SOX5: variants seen among roughly 807,000 people sequenced by gnomAD.
SOX5 encodes the protein transcription factor SOX-5.
SOX5 carries 9 observed loss-of-function variants against 92.0 expected under a neutral mutation model. The ratio of observed to expected loss-of-function variants is 0.10; its 90% CI spans 0.06 to 0.17. The LOEUF (loss-of-function observed/expected upper bound fraction) is 0.17, where lower values mean the gene tolerates loss of function less well. Ranked by LOEUF, SOX5 falls within the 10% of genes least tolerant of loss-of-function variation. SOX5 has a pLI of 1.00. For missense variants in SOX5, 642 were observed against 944.5 expected, an observed-to-expected ratio of 0.68 and a Z score of 4.20; for synonymous variants, 344 against 336.3, an observed-to-expected ratio of 1.02 and a Z score of -0.25.
At chr12:24,102,702 A>G (rs1336581159) in intron 4 of SOX5, among the ~76,000 whole-genome samples, 1 of 152,212 alleles carries the variant, frequency 6.6e-6, no homozygotes, top group East Asian at 1.9e-4. Flanking sequence ...AGTCTTCTCA[A>G]TTTATGTGGA....
At chr12:23,977,296 C>T (rs1259820146) in intron 4 of SOX5, among the ~76,000 whole-genome samples, 1 of 152,130 alleles carries the variant, frequency 6.6e-6, no homozygotes, top group Non-Finnish European at 1.5e-5. Context: ...CTTTGCTACT[C>T]CATCACCCTT....
Position 23,577,176 on chromosome 12 carries a change from C to CATATAT in SOX5, c.1165-1344_1165-1339dup, listed in dbSNP as rs1254455034. Among the ~76,000 whole-genome samples the CATATAT allele has an allele frequency of 1.8e-3, 140 of 76,928 alleles. 2 individuals are homozygous for CATATAT. Among genetic ancestry groups the CATATAT allele is most frequent in the Middle Eastern group, 8.3e-3 (1 of 120 alleles). 50.5% of individuals were successfully genotyped at this position (76,928 alleles called of 152,430 possible). A position where few individuals can be genotyped will look rare whatever the true frequency, so the allele number is the denominator to read the frequency against. On this transcript the variant is annotated intron_variant, in intron 9 of 14. Transcript: ENST00000451604. ...ACACACACACACACACACACACACA[C>CATATAT]ATATATATATATATATTTTTTTTTT...
At chr12:24,436,267 T>C (rs1406048693) in intron 1 of SOX5, among the ~76,000 whole-genome samples, 1 of 152,220 alleles carries the variant, frequency 6.6e-6, no homozygotes, top group Non-Finnish European at 1.5e-5. Flanking sequence ...AAGCTAGGAC[T>C]CTTGTGCCAA....
chr12:24,389,392 T>C (rs1259817976), intron 1 of SOX5, among the ~76,000 whole-genome samples: 2 of 152,202 alleles, frequency 1.3e-5, no homozygotes, highest in African/African-American at 4.8e-5. Flanking sequence ...GTCTTTGCTA[T>C]TGTGAAATTT....
At chr12:24,029,495 A>C (rs1955244503) in intron 4 of SOX5, among the ~76,000 whole-genome samples, 1 of 151,682 alleles carries the variant, frequency 6.6e-6, no homozygotes, top group Non-Finnish European at 1.5e-5. Context: ...GGATGGTTTC[A>C]AACATCTGGA....
chr12:24,215,476 A>T (rs982545342), intron 3 of SOX5, among the ~76,000 whole-genome samples: 3 of 152,188 alleles, frequency 2.0e-5, no homozygotes, highest in African/African-American at 7.2e-5. Context: ...TCTGAAAATG[A>T]TATCAAGGAA....
chr12:24,262,674 G>A (rs974734446), intron 3 of SOX5, among the ~76,000 whole-genome samples: 3 of 152,130 alleles, frequency 2.0e-5, no homozygotes, highest in Non-Finnish European at 2.9e-5. Context: ...TTTCACTGGA[G>A]GGACTGATGC....
intron 3 of SOX5, among the ~76,000 whole-genome samples, chr12:23,835,438 G>T (rs943004012): frequency 1.3e-5 from 2 of 151,656 alleles, no homozygotes; most frequent in Non-Finnish European, 3.0e-5. Flanking sequence ...GTCCTAAAAT[G>T]TATCTATGTT....
chr12:23,674,859 T>C (rs962378943), intron 6 of SOX5, among the ~76,000 whole-genome samples: 5 of 152,002 alleles, frequency 3.3e-5, no homozygotes, highest in Middle Eastern at 6.9e-3. Flanking sequence ...CATCTGAAAA[T>C]TGAGCAGAAA....
chr12:24,493,090 A>AT (rs1211989686), intron 1 of SOX5, among the ~76,000 whole-genome samples: 45 of 151,368 alleles, frequency 3.0e-4, no homozygotes, highest in Admixed American at 2.8e-3. Context: ...TGTTAAGAGT[A>AT]TTTTTTTTTA....
intron 4 of SOX5, among the ~76,000 whole-genome samples, chr12:24,046,962 C>A (rs539971827): frequency 6.6e-6 from 1 of 152,308 alleles, no homozygotes; most frequent in African/African-American, 2.4e-5. Context: ...GCTGGGATCA[C>A]AGGCGTGAGC....
intron 6 of SOX5, among the ~76,000 whole-genome samples, chr12:23,711,552 ATCT>A (rs1366969323): frequency 6.6e-6 from 1 of 151,976 alleles, no homozygotes; most frequent in Admixed American, 6.6e-5. Context: ...TGTTTCTAGT[ATCT>A]TCTAATACAT....
intron 1 of SOX5, among the ~76,000 whole-genome samples, chr12:24,369,695 GC>G (rs1369571496): frequency 1.3e-5 from 2 of 152,182 alleles, no homozygotes; most frequent in African/African-American, 4.8e-5. Flanking sequence ...AGTCTTTCAA[GC>G]AAATTGCTGA....
At chr12:24,341,900 G>T (rs79577712) in intron 2 of SOX5, among the ~76,000 whole-genome samples, 5 of 152,152 alleles carry the variant, frequency 3.3e-5, no homozygotes, top group South Asian at 2.1e-4. Flanking sequence ...CACCTCCTCC[G>T]TTGGTTGCTC....
intron 8 of SOX5, among the ~76,000 whole-genome samples, chr12:23,624,786 A>G (rs1566466592): frequency 6.6e-6 from 1 of 152,258 alleles, no homozygotes; most frequent in East Asian, 1.9e-4. Flanking sequence ...CATCCAAAAT[A>G]TAGCCAATTT....
intron 3 of SOX5, among the ~76,000 whole-genome samples, chr12:24,245,216 C>T (rs530630123): frequency 6.9e-6 from 1 of 145,202 alleles, no homozygotes; most frequent in African/African-American, 2.6e-5. Flanking sequence ...CTAAGAGCAT[C>T]ATTTGTGTTT....
chr12:24,532,350 A>T (rs1478407272), intron 1 of SOX5, among the ~76,000 whole-genome samples: 1 of 152,236 alleles, frequency 6.6e-6, no homozygotes, highest in Non-Finnish European at 1.5e-5. Context: ...CCTTCTCAAC[A>T]TGCAGACTGA....
intron 4 of SOX5, among the ~76,000 whole-genome samples, chr12:24,174,067 G>A (rs539699439): frequency 2.0e-5 from 3 of 151,368 alleles, no homozygotes; most frequent in Non-Finnish European, 4.4e-5. Context: ...GTATAATCTC[G>A]GCTCACTGCA....
chr12:23,980,541 G>C (rs202157764), intron 4 of SOX5, among the ~76,000 whole-genome samples: 2 of 152,196 alleles, frequency 1.3e-5, no homozygotes, highest in East Asian at 3.9e-4. Context: ...ATGCATATTT[G>C]AGGAAATGTT....
Sources: gnomAD v4.1 joint callset for allele counts (sites outside exome capture counted in the v4.1 genomes callset) on GRCh38, gnomAD v4.1.1 for gene constraint, MANE v1.5 for transcripts, NCBI Gene and HGNC (gene_info 2026-07-23, HGNC 2026-07-21) for gene names.